Variants in MICAL3 observed in about 807,000 individuals in gnomAD.
MICAL3 encodes the protein [F-actin]-monooxygenase MICAL3.
In MICAL3, 62 loss-of-function variants were observed where a neutral mutation model predicts 207.4. That is an observed-to-expected ratio of 0.30 (90% confidence interval 0.24 to 0.37). The LOEUF is 0.37. Ranked by LOEUF, MICAL3 falls within the 10% of genes least tolerant of loss-of-function variation. MICAL3 has a pLI of 1.00. For missense variants in MICAL3, 2,368 were observed against 2,635.6 expected (o/e 0.90, Z 2.22); for synonymous variants, 1,077 against 1,069.3 (o/e 1.01, Z -0.14).
chr22:17,997,571 C>T (rs1022839878), intron 1 of MICAL3, among the ~76,000 whole-genome samples: 4 of 152,074 alleles, frequency 2.6e-5, no homozygotes, highest in East Asian at 3.9e-4. Context: ...CAGCAGCAGG[C>T]GTCAGGGCTC....
chr22:17,916,785 C>A (rs1366178722), intron 1 of MICAL3, among the ~76,000 whole-genome samples: 1 of 152,154 alleles, frequency 6.6e-6, no homozygotes, highest in Admixed American at 6.5e-5. Flanking sequence ...CAAGCCTCTG[C>A]ACGTTGAAAT....
Position 17,841,809 on chromosome 22 carries a change from C to T in MICAL3, c.2801+13G>A. The T allele has an allele frequency of 1.9e-6, 3 of 1,542,984 alleles. No individual in the cohort carries two copies. Among genetic ancestry groups the T allele is most frequent in the Non-Finnish European group, 8.7e-7 (1 of 1,146,700 alleles). ...GTGTGGCGGGTGGGCGCCCTGCAGC[C>T]CTGCGTGCTGACCTGCTGGCGACGT... On this transcript the variant is annotated intron_variant, in intron 20 of 31. Transcript: ENST00000441493. The surrounding 1 kb of genome is among the most constrained non-coding windows in gnomAD (Gnocchi z 4.2).
chr22:17,788,182 G>C lies in MICAL3; in HGVS notation c.*2550C>G, dbSNP rs1403974672. The C allele has an allele frequency of 1.3e-5, 2 of 152,272 alleles. No individual in the cohort carries two copies. Among genetic ancestry groups the C allele is most frequent in the African/African-American group, 4.8e-5 (2 of 41,474 alleles). The allele number at this position is 152,272 out of a possible 1,614,324, so 9.4% of individuals were successfully genotyped here. On this transcript the variant is annotated 3_prime_UTR_variant, in exon 32 of 32. Coordinates refer to ENST00000441493, the MANE Select transcript of MICAL3 (RefSeq NM_015241.3). ...GCAAACTAGTGGTTACAAAATGGGA[G>C]CTTTAAAAAAAGTGCTCTACTAGAA...
intron 13 of MICAL3, among the ~76,000 whole-genome samples, chr22:17,887,661 CTCT>C (rs1930045107): frequency 6.6e-6 from 1 of 152,218 alleles, no homozygotes; most frequent in African/African-American, 2.4e-5. Flanking sequence ...ACAAAAATGA[CTCT>C]TCTTCCCAAT....
chr22:17,871,266 T>C (rs1392194131), intron 17 of MICAL3, among the ~76,000 whole-genome samples: 1 of 152,210 alleles, frequency 6.6e-6, no homozygotes, highest in Non-Finnish European at 1.5e-5. Flanking sequence ...TGGCAGCACA[T>C]GTTGCCAAAG....
At position 17,885,878 on chromosome 22, in the gene MICAL3, C is replaced by T. The variant is rs758885432; in HGVS notation, c.2241G>A (p.Gln747=). 4 of 1,613,886 alleles carry T rather than the reference C, an allele frequency of 2.5e-6. No individual in the cohort carries two copies. Among genetic ancestry groups the T allele is most frequent in the Non-Finnish European group, 3.4e-6 (4 of 1,179,830 alleles). The change falls in exon 16 of 32, where the codon CAG becomes CAA. Residue 747 remains glutamine, a splice_region_variant and synonymous_variant. Coordinates refer to ENST00000441493, the MANE Select transcript of MICAL3 (RefSeq NM_015241.3). ...TGGGCAGGGCACGGGTTGGGTTTAC[C>T]TGTCTCCGTATGCCGATGGACTGTG... is the stretch of plus-strand genomic sequence containing the variant. ...APAQSIGIRR[Q]GSMKKEFPQN...
chr22:17,977,841 T>A (rs1344890792), intron 1 of MICAL3, among the ~76,000 whole-genome samples: 1 of 151,866 alleles, frequency 6.6e-6, no homozygotes, highest in East Asian at 1.9e-4. Flanking sequence ...CTGACCAACA[T>A]GGAAAAACCC....
At chr22:17,981,232 C>G (rs56911481) in intron 1 of MICAL3, among the ~76,000 whole-genome samples, 5,714 of 151,624 alleles carry the variant, frequency 0.038, 176 homozygotes, top group African/African-American at 0.084. Context: ...ATCTGTAATA[C>G]TCTTCATTGT....
In MICAL3 at chr22:17,900,641, G is replaced by A. The variant is rs1230184548; in HGVS notation, c.847+201C>T. 2.0e-5 allele frequency among the ~76,000 whole-genome samples: 3 copies of A among 152,122 alleles called. No homozygotes were observed. The highest frequency in any genetic ancestry group is 4.4e-5 in the Non-Finnish European group (3 of 68,018). On this transcript the variant is annotated intron_variant, in intron 6 of 31. Transcript: ENST00000441493. The surrounding 1 kb of genome is among the most constrained non-coding windows in gnomAD (Gnocchi z 4.0). ...ACCCAGAGCCGCCCAGTCACTGTGA[G>A]GAGGTTAAGAATACAAGAGGAGGAG...
At chr22:17,862,523 G>T in intron 19 of MICAL3, 1 of 931,222 alleles carries the variant, frequency 1.1e-6, no homozygotes, top group South Asian at 4.9e-5. Flanking sequence ...GCCTCCCAAA[G>T]TGCTGGGATT....
At chr22:17,886,318 G>A (rs73876525) in intron 15 of MICAL3, among the ~76,000 whole-genome samples, 1,808 of 152,338 alleles carry the variant, frequency 0.012, 39 homozygotes, top group African/African-American at 0.041. Flanking sequence ...CCTGGTGCAC[G>A]TGTGTGCATC....
intron 22 of MICAL3, among the ~76,000 whole-genome samples, chr22:17,826,979 A>C (rs776908643): frequency 1.3e-5 from 2 of 152,336 alleles, no homozygotes; most frequent in African/African-American, 4.8e-5. Flanking sequence ...ATGTGCACGC[A>C]CAGAAGTGAC....
chr22:18,000,812 C>T (rs1922886482), intron 1 of MICAL3, among the ~76,000 whole-genome samples: 1 of 152,182 alleles, frequency 6.6e-6, no homozygotes, highest in South Asian at 2.1e-4. Context: ...CTGCCAGGGT[C>T]GCAGGAGCCC....
At position 17,887,170 on chromosome 22, in the gene MICAL3, C is replaced by A; in HGVS notation, c.2067G>T (p.Glu689Asp). The stretch of plus-strand genomic sequence containing the variant: ...TAGCAATTCCCCAAGTGAATCTCAC[C>A]TCCTCTGATTGACTGGTCTTTCTCC... ...GKRRKTSQSE[E>D]EEAPRGHRGE... Residue 689 changes from glutamate (E) to aspartate (D), a missense_variant and splice_region_variant, in exon 15 of 32, where the codon GAG becomes GAT. By Grantham distance (45) the Glu-to-Asp change is conservative (BLOSUM62 2). Transcript: ENST00000441493. 3 of 1,613,050 alleles carry A rather than the reference C, an allele frequency of 1.9e-6. No homozygotes were observed. Among genetic ancestry groups the A allele is most frequent in the Non-Finnish European group, 2.5e-6 (3 of 1,179,294 alleles).
At chr22:17,993,681 G>A (rs1328364300) in intron 1 of MICAL3, among the ~76,000 whole-genome samples, 1 of 152,002 alleles carries the variant, frequency 6.6e-6, no homozygotes, top group East Asian at 1.9e-4. Flanking sequence ...CAGTGCTTCA[G>A]AATTACCTCC....
chr22:17,884,999 T>C (rs2146215745), intron 16 of MICAL3, among the ~76,000 whole-genome samples: 1 of 152,318 alleles, frequency 6.6e-6, no homozygotes, highest in South Asian at 2.1e-4. Flanking sequence ...CTCCAGCTGC[T>C]CTCTCCAGTT....
intron 17 of MICAL3, among the ~76,000 whole-genome samples, chr22:17,870,235 G>A (rs1927573062): frequency 1.3e-5 from 2 of 152,126 alleles, no homozygotes; most frequent in Admixed American, 6.5e-5. Context: ...CCCACCAGGT[G>A]CGCACCTCTG....
chr22:17,817,329 G>A lies in MICAL3; in HGVS notation c.5332C>T (p.Leu1778Phe). 1.2e-6 allele frequency: 2 copies of A among 1,603,818 alleles called. No individual in the cohort carries two copies. The highest frequency in any genetic ancestry group is 1.7e-6 in the Non-Finnish European group (2 of 1,175,626). The stretch of plus-strand genomic sequence containing the variant: ...GACGCACCTGCCCTTACGACGGGAA[G>A]CACCCTGTGCTTTCCAGAGTCCACC... ...ATVDSGKHRVLPVVRAELQLR... is the reference protein window; with the variant it reads ...ATVDSGKHRVFPVVRAELQLR... The change falls in exon 26 of 32, where the codon CTT (leucine) becomes TTT (phenylalanine). Residue 1778 changes from leucine (L) to phenylalanine (F), a missense_variant. Around this residue, in one of 4 missense-constraint regions of MICAL3, gnomAD observed 1,770 missense variants for 1,863.2 expected, o/e 0.95. Transcript: ENST00000441493.
At chr22:17,920,255 C>T (rs1368645798) in intron 1 of MICAL3, among the ~76,000 whole-genome samples, 1 of 152,244 alleles carries the variant, frequency 6.6e-6, no homozygotes, top group African/African-American at 2.4e-5. Context: ...GTGGCTGTAC[C>T]TGCCCCGTCA....
Sources: allele counts gnomAD v4.1 joint callset (sites outside exome capture counted in the v4.1 genomes callset), GRCh38; gene constraint gnomAD v4.1.1; regional missense constraint gnomAD v4.1.1; non-coding constraint Gnocchi (gnomAD v3.1); transcripts MANE v1.5; gene names NCBI Gene and HGNC (gene_info 2026-07-23, HGNC 2026-07-21).